Variants in RPTOR observed in about 807,000 individuals in gnomAD.
The protein encoded by RPTOR is regulatory associated protein of MTOR complex 1, also known as regulatory-associated protein of mTOR.
RPTOR carries 21 observed loss-of-function variants against 169.9 expected under a neutral mutation model. The observed-to-expected ratio is 0.12, with a 90% CI of 0.09 to 0.18. The LOEUF (loss-of-function observed/expected upper bound fraction) is 0.18. Among genes scored for constraint, RPTOR ranks in the 10% least tolerant of loss-of-function variants. The pLI, the probability that RPTOR is intolerant of heterozygous loss-of-function variation, is 1.00. For synonymous variants in RPTOR, 732 were observed against 753.2 expected (o/e 0.97, Z 0.46); for missense variants, 1,133 against 1,855.9 (o/e 0.61, Z 7.16).
chr17:80,572,166 C>T (rs568825849), intron 1 of RPTOR, among the ~76,000 whole-genome samples: 4 of 152,100 alleles, frequency 2.6e-5, no homozygotes, highest in Non-Finnish European at 5.9e-5. Flanking sequence ...GGCACCATCA[C>T]GGCTCACTGC....
intron 11 of RPTOR, among the ~76,000 whole-genome samples, chr17:80,853,011 T>C (rs1196639177): frequency 6.6e-6 from 1 of 152,104 alleles, no homozygotes; most frequent in Non-Finnish European, 1.5e-5. Flanking sequence ...CTCTGGCCAG[T>C]GCTGCAGTCT....
At position 80,964,692 on chromosome 17, in the gene RPTOR, AC is replaced by A. The variant is rs1335290976; in HGVS notation, c.*368del. ...TAATCAGAGCATTAGCTGCAGAAAA[AC>A]CCCCCGACAGAGCCCTGGCGGAGAG... On this transcript the variant is annotated 3_prime_UTR_variant, in exon 34 of 34. Coordinates refer to ENST00000306801, the MANE Select transcript of RPTOR (RefSeq NM_020761.3). The A allele has an allele frequency of 2.5e-5, 7 of 279,568 alleles. No homozygotes were observed. Among genetic ancestry groups the A allele is most frequent in the South Asian group, 9.0e-5 (1 of 11,056 alleles). 17.3% of individuals were successfully genotyped at this position (279,568 alleles called of 1,614,324 possible). A position where few individuals can be genotyped will look rare whatever the true frequency, so the allele number is the denominator to read the frequency against.
At chr17:80,753,406 G>A (rs946830987) in intron 5 of RPTOR, among the ~76,000 whole-genome samples, 2 of 152,072 alleles carry the variant, frequency 1.3e-5, no homozygotes, top group Admixed American at 6.5e-5. Context: ...AGGCCGAGAC[G>A]GGCGGATCAC....
intron 4 of RPTOR, among the ~76,000 whole-genome samples, chr17:80,717,830 C>T (rs1175306632): frequency 6.6e-6 from 1 of 152,162 alleles, no homozygotes; most frequent in South Asian, 2.1e-4. Context: ...TCAGATTTTC[C>T]CCATGCACCG....
intron 3 of RPTOR, among the ~76,000 whole-genome samples, chr17:80,689,049 G>A (rs1469753276): frequency 1.3e-5 from 2 of 152,220 alleles, no homozygotes; most frequent in African/African-American, 4.8e-5. Flanking sequence ...GGGCATTTTT[G>A]ATTTTGGATA....
intron 1 of RPTOR, among the ~76,000 whole-genome samples, chr17:80,579,829 C>G (rs184921668): frequency 2.6e-5 from 4 of 152,244 alleles, no homozygotes; most frequent in Admixed American, 2.0e-4. Context: ...CAGCGCAGGT[C>G]TTTTTGAAGT....
intron 3 of RPTOR, among the ~76,000 whole-genome samples, chr17:80,658,269 T>C (rs1160154290): frequency 6.6e-6 from 1 of 152,242 alleles, no homozygotes; most frequent in Middle Eastern, 3.2e-3. Flanking sequence ...TTCTTCAACC[T>C]GAAAAACATC....
rs2068363705 is a variant in RPTOR at position 80,893,745 on chromosome 17, A to ACCAGCAGCAGCG, written c.2291_2302dup (p.Ser764_Ser767dup). On this transcript the variant is annotated inframe_insertion, in exon 20 of 34. Transcript: ENST00000306801. ...GGCGTTCTCCCCCGGAAACCTCAGC[A>ACCAGCAGCAGCG]CCAGCAGCAGCGCCAGCAGCACCCT... 2 of 1,608,744 alleles carry ACCAGCAGCAGCG rather than the reference A, an allele frequency of 1.2e-6. No individual in the cohort carries two copies.
intron 10 of RPTOR, 127 bp downstream of exon 10, chr17:80,838,124 C>A: frequency 1.4e-6 from 1 of 707,290 alleles, no homozygotes; most frequent in Non-Finnish European, 2.3e-6. Flanking sequence ...GTTCACCTGC[C>A]TGGAAAAAAT....
At chr17:80,724,531 G>A (rs1478252231) in intron 4 of RPTOR, among the ~76,000 whole-genome samples, 3 of 152,184 alleles carry the variant, frequency 2.0e-5, no homozygotes, top group Admixed American at 6.5e-5. Context: ...TCAGCTGATG[G>A]CAGTCTTCCT....
chr17:80,809,498 C>T (rs900403420), intron 7 of RPTOR, among the ~76,000 whole-genome samples: 1 of 152,146 alleles, frequency 6.6e-6, no homozygotes, highest in Non-Finnish European at 1.5e-5. Context: ...GCCATCTTAC[C>T]GAAGTATAAC....
At chr17:80,594,501 T>A (rs2065130822) in intron 1 of RPTOR, among the ~76,000 whole-genome samples, 1 of 152,250 alleles carries the variant, frequency 6.6e-6, no homozygotes, top group African/African-American at 2.4e-5. Flanking sequence ...TCTTATGCTT[T>A]CCACGAAGTC....
chr17:80,942,514 G>A (rs1187424716), intron 25 of RPTOR, among the ~76,000 whole-genome samples: 2 of 152,080 alleles, frequency 1.3e-5, no homozygotes, highest in Non-Finnish European at 2.9e-5. Context: ...AAGACACAGG[G>A]GATGGTGCCA....
intron 11 of RPTOR, among the ~76,000 whole-genome samples, chr17:80,849,510 A>C (rs2067770195): frequency 6.6e-6 from 1 of 152,094 alleles, no homozygotes; most frequent in Admixed American, 6.5e-5. Flanking sequence ...TTTTGCCCAG[A>C]CCCTTGATTG....
intron 5 of RPTOR, among the ~76,000 whole-genome samples, chr17:80,750,800 C>T (rs1197711656): frequency 4.6e-5 from 7 of 152,010 alleles, no homozygotes; most frequent in Non-Finnish European, 8.8e-5. Context: ...TTAAAAAAAC[C>T]CACTCCTTGG....
In RPTOR at chr17:80,961,697, G is replaced by T. The variant is rs111860599; in HGVS notation, c.3692+217G>T. 7.1e-6 allele frequency: 4 copies of T among 562,340 alleles called. No homozygotes were observed. In the East Asian group the frequency reaches 1.3e-4, roughly 18 times the overall value. 34.8% of individuals were successfully genotyped at this position (562,340 alleles called of 1,614,324 possible). On this transcript the variant is annotated intron_variant, in intron 31 of 33. Transcript: ENST00000306801. ...GCTGGGGGACACCTGACCTGCAGGC[G>T]CTTTGGGAACTTTCCTGGGCTGCCA...
intron 1 of RPTOR, 22 bp downstream of exon 1, chr17:80,545,813 C>A: frequency 6.4e-7 from 1 of 1,557,396 alleles, no homozygotes; most frequent in Non-Finnish European, 8.7e-7. Flanking sequence ...CTGAAGGCAC[C>A]CCTTGAACTT....
At chr17:80,626,316 ACTG>A (rs2065393829) in intron 2 of RPTOR, among the ~76,000 whole-genome samples, 1 of 150,370 alleles carries the variant, frequency 6.7e-6, no homozygotes, top group African/African-American at 2.5e-5. Context: ...CTCCCAAAGT[ACTG>A]GGATTACAGG....
At position 80,957,817 on chromosome 17, in the gene RPTOR, C is replaced by T; in HGVS notation, c.3477+87C>T. 6 of 1,241,356 alleles carry T rather than the reference C, an allele frequency of 4.8e-6. No individual in the cohort carries two copies. Among genetic ancestry groups the T allele is most frequent in the Middle Eastern group, 1.9e-4 (1 of 5,338 alleles). 76.9% of individuals were successfully genotyped at this position (1,241,356 alleles called of 1,614,324 possible). The stretch of plus-strand genomic sequence containing the variant: ...TCGTCACAGAACCCAGCAAAGTGTG[C>T]GGTGAGGCCTGGCCATCCCAGGGGT... On this transcript the variant is annotated intron_variant, in intron 29 of 33. Transcript: ENST00000306801. This position sits in a 1 kb window ranked among gnomAD's most constrained non-coding sequence, Gnocchi z 4.6.
Sources: allele counts gnomAD v4.1 joint callset (sites outside exome capture counted in the v4.1 genomes callset), GRCh38; gene constraint gnomAD v4.1.1; non-coding constraint Gnocchi (gnomAD v3.1); transcripts MANE v1.5; gene names NCBI Gene and HGNC (gene_info 2026-07-23, HGNC 2026-07-21).